NCKAP1: variants seen among roughly 807,000 people sequenced by gnomAD.
NCKAP1 encodes the protein nck-associated protein 1.
In NCKAP1, 21 loss-of-function variants were observed where a neutral mutation model predicts 151.2. That is an observed-to-expected ratio of 0.14 (90% CI 0.10 to 0.20). NCKAP1 has a LOEUF of 0.20. Ranked by LOEUF, NCKAP1 falls within the 10% of genes least tolerant of loss-of-function variation. The pLI, the probability that NCKAP1 is intolerant of heterozygous loss-of-function variation, is 1.00. For missense variants in NCKAP1, 933 were observed against 1,352.1 expected (o/e 0.69, Z 4.86); for synonymous variants, 484 against 451.8 (o/e 1.07, Z -0.90).
intron 2 of NCKAP1, among the ~76,000 whole-genome samples, chr2:183,010,427 G>A (rs114732406): frequency 3.7e-4 from 56 of 152,266 alleles, no homozygotes; most frequent in African/African-American, 1.2e-3. Context: ...AATGCACTGC[G>A]GTAACCTAAA....
intron 8 of NCKAP1, among the ~76,000 whole-genome samples, chr2:182,994,547 G>A (rs1252999849): frequency 1.3e-5 from 2 of 151,938 alleles, no homozygotes; most frequent in African/African-American, 2.4e-5. Flanking sequence ...GCTGAGACAC[G>A]AGAACTGCTT....
intron 2 of NCKAP1, among the ~76,000 whole-genome samples, chr2:183,005,631 C>T (rs2105878769): frequency 6.6e-6 from 1 of 152,210 alleles, no homozygotes; most frequent in Non-Finnish European, 1.5e-5. Context: ...CTCTACTTAG[C>T]TACAAACATT....
At chr2:183,006,655 T>C (rs1313341149) in intron 2 of NCKAP1, among the ~76,000 whole-genome samples, 4 of 152,140 alleles carry the variant, frequency 2.6e-5, no homozygotes, top group African/African-American at 7.2e-5. Context: ...CTACAAAAAA[T>C]GCTACATTTT....
chr2:182,987,446 A>G lies in NCKAP1; in HGVS notation c.948-1219T>C, dbSNP rs181961985. On this transcript the variant is annotated intron_variant, in intron 9 of 30. Coordinates refer to ENST00000361354, the MANE Select transcript of NCKAP1 (RefSeq NM_013436.5). ...AATTCATATTTTAAACTGGATGATCATTCACAATTAAATTAAAAATGCAAA... is the reference window on the plus strand; with the variant it reads ...AATTCATATTTTAAACTGGATGATCGTTCACAATTAAATTAAAAATGCAAA... 5.2e-4 allele frequency among the ~76,000 whole-genome samples: 79 copies of G among 152,300 alleles called. 1 individual carries two copies. In the East Asian group the frequency reaches 0.011, roughly 21 times the overall value.
intron 26 of NCKAP1, among the ~76,000 whole-genome samples, chr2:182,932,928 T>C (rs965430030): frequency 2.7e-4 from 41 of 152,150 alleles, no homozygotes; most frequent in African/African-American, 9.4e-4. Flanking sequence ...CAAATGTTTA[T>C]TCTGCACAAA....
intron 1 of NCKAP1, among the ~76,000 whole-genome samples, chr2:183,033,150 T>A (rs72888487): frequency 2.0e-4 from 30 of 152,152 alleles, no homozygotes; most frequent in African/African-American, 6.3e-4. Context: ...GTTGAGTAAA[T>A]TATCTGGTAA....
intron 23 of NCKAP1, among the ~76,000 whole-genome samples, chr2:182,951,498 G>A (rs376492845): frequency 2.0e-5 from 3 of 151,602 alleles, no homozygotes; most frequent in East Asian, 3.9e-4. Context: ...GTGAAACACC[G>A]TCTCTACTAA....
intron 8 of NCKAP1, 77 bp from the exon 9 acceptor site, chr2:182,989,263 A>G: frequency 1.7e-6 from 2 of 1,202,544 alleles, no homozygotes; most frequent in Non-Finnish European, 2.3e-6. Context: ...AGCTTTTGAA[A>G]AATACAGAAA....
At position 182,982,306 on chromosome 2, in the gene NCKAP1, T is replaced by C. The variant is rs371664690; in HGVS notation, c.1208+515A>G. ...CTAATTAATATCATCTAATGATATA[T>C]TACAAATATTCCAAGCTCTTCAAAA... On this transcript the variant is annotated intron_variant, in intron 12 of 30. Coordinates refer to ENST00000361354, the MANE Select transcript of NCKAP1 (RefSeq NM_013436.5). Among the ~76,000 whole-genome samples, 23 of 152,302 alleles carry C rather than the reference T, an allele frequency of 1.5e-4. No homozygotes were observed. In the South Asian group the frequency reaches 4.6e-3, roughly 30 times the overall value.
intron 15 of NCKAP1, among the ~76,000 whole-genome samples, chr2:182,974,344 G>A (rs1301662541): frequency 2.0e-5 from 3 of 149,994 alleles, no homozygotes; most frequent in Non-Finnish European, 4.4e-5. Context: ...TAACAGCAAT[G>A]TTATGCATTG....
intron 23 of NCKAP1, among the ~76,000 whole-genome samples, chr2:182,947,787 G>C (rs1026088684): frequency 6.6e-6 from 1 of 152,052 alleles, no homozygotes; most frequent in African/African-American, 2.4e-5. Flanking sequence ...ATAACTTTTA[G>C]AGATTTATTT....
At chr2:182,928,340 T>A (rs1370833319) in intron 28 of NCKAP1, 114 bp from the exon 29 acceptor site, 9 of 694,112 alleles carry the variant, frequency 1.3e-5, no homozygotes, top group Non-Finnish European at 2.2e-5. Flanking sequence ...AAGAGTAGAG[T>A]TGGGACATGA....
chr2:183,020,080 CAAACA>C (rs759062517), intron 2 of NCKAP1, among the ~76,000 whole-genome samples: 1 of 151,916 alleles, frequency 6.6e-6, no homozygotes, highest in Middle Eastern at 3.4e-3. Flanking sequence ...AAACAAAAAA[CAAACA>C]AAACAAAATA....
chr2:182,921,960 A>G lies in NCKAP1; in HGVS notation c.*3742T>C, dbSNP rs997566396. 9 of 152,174 alleles carry G rather than the reference A, an allele frequency of 5.9e-5. No individual in the cohort carries two copies. Among genetic ancestry groups the G allele is most frequent in the Admixed American group, 3.9e-4 (6 of 15,282 alleles). 9.4% of individuals were successfully genotyped at this position (152,174 alleles called of 1,614,324 possible). On this transcript the variant is annotated 3_prime_UTR_variant, in exon 31 of 31. Transcript: ENST00000361354. ...CAGAATAAAAATTTTAAAATCTCAAATATTTTTTCCCAAAGGCAGAGGTCA... is the reference window on the plus strand; with the variant it reads ...CAGAATAAAAATTTTAAAATCTCAAGTATTTTTTCCCAAAGGCAGAGGTCA...
chr2:183,016,952 A>G (rs1342400798), intron 2 of NCKAP1, among the ~76,000 whole-genome samples: 1 of 152,232 alleles, frequency 6.6e-6, no homozygotes, highest in Non-Finnish European at 1.5e-5. Flanking sequence ...GTAAATGACC[A>G]GTTTGATATT....
In NCKAP1 at chr2:183,037,979, G is replaced by A. The variant is rs1213811545; in HGVS notation, c.108+13C>T. ...CGCCCGCCTCCGCCGCGGCCTCCCC[G>A]GCCCGTGCGCACCTTCTTGATGTTG... On this transcript the variant is annotated intron_variant, in intron 1 of 30. Coordinates refer to ENST00000361354, the MANE Select transcript of NCKAP1 (RefSeq NM_013436.5). 5 of 1,569,548 alleles carry A rather than the reference G, an allele frequency of 3.2e-6. No individual in the cohort carries two copies. The highest frequency in any genetic ancestry group is 1.8e-5 in the Admixed American group (1 of 56,558).
At chr2:182,980,741 T>C (rs1409238744) in intron 13 of NCKAP1, among the ~76,000 whole-genome samples, 1 of 152,158 alleles carries the variant, frequency 6.6e-6, no homozygotes, top group Non-Finnish European at 1.5e-5. Context: ...TTCCCTCTAA[T>C]ACTTAATTAC....
chr2:183,025,062 AC>A lies in NCKAP1; in HGVS notation c.109-1147del, dbSNP rs201661388. The A allele has an allele frequency of 1.3e-3, 1,897 of 1,496,346 alleles. 16 individuals carry two copies. In the African/African-American group the frequency reaches 0.024, roughly 19 times the overall value. 92.7% of individuals were successfully genotyped at this position (1,496,346 alleles called of 1,614,324 possible). On this transcript the variant is annotated intron_variant, in intron 1 of 30. Coordinates refer to ENST00000361354, the MANE Select transcript of NCKAP1 (RefSeq NM_013436.5). ...AACAATGATTGTCAAACTATGATAT[AC>A]GTTTCAGAAGAAAACTTATGCACTG...
chr2:183,023,032 T>G (rs2105893820), intron 2 of NCKAP1: 1 of 152,196 alleles, frequency 6.6e-6, no homozygotes, highest in East Asian at 1.9e-4. Flanking sequence ...GAGAGGAAAT[T>G]TCTAAACTAA....
Sources: allele counts gnomAD v4.1 joint callset (sites outside exome capture counted in the v4.1 genomes callset), GRCh38; gene constraint gnomAD v4.1.1; transcripts MANE v1.5; gene names NCBI Gene and HGNC (gene_info 2026-07-23, HGNC 2026-07-21).